Variants in DPY19L1 observed in about 807,000 individuals in gnomAD.
DPY19L1 encodes the protein dpy-19 like C-mannosyltransferase 1.
A neutral mutation model predicts 96.9 loss-of-function variants in DPY19L1; 35 were observed. That is an observed-to-expected ratio of 0.36 (90% CI 0.28 to 0.48). DPY19L1 has a LOEUF of 0.48. Ranked by LOEUF, DPY19L1 falls within the 20% of genes least tolerant of loss-of-function variation. The pLI is 0.99. For synonymous variants in DPY19L1, 205 were observed against 252.6 expected (o/e 0.81, Z 1.79); for missense variants, 521 against 777.9 (o/e 0.67, Z 3.93).
intron 3 of DPY19L1, among the ~76,000 whole-genome samples, chr7:35,016,860 G>T (rs909874080): frequency 1.3e-5 from 2 of 152,146 alleles, no homozygotes; most frequent in African/African-American, 4.8e-5. Context: ...AAATCAGCTG[G>T]ATTTCTCAAC....
intron 9 of DPY19L1, among the ~76,000 whole-genome samples, chr7:34,969,009 A>G (rs1386426617): frequency 6.6e-6 from 1 of 152,050 alleles, no homozygotes; most frequent in Non-Finnish European, 1.5e-5. Flanking sequence ...CTGTAATCCT[A>G]TGTGTCTTTA....
At chr7:34,936,624 T>C (rs993180013) in intron 21 of DPY19L1, among the ~76,000 whole-genome samples, 3 of 152,348 alleles carry the variant, frequency 2.0e-5, no homozygotes, top group South Asian at 2.1e-4. Context: ...CCTAAATTTA[T>C]ATAACAATGT....
At chr7:35,028,373 A>G (rs1309377941) in intron 1 of DPY19L1, among the ~76,000 whole-genome samples, 1 of 152,252 alleles carries the variant, frequency 6.6e-6, no homozygotes, top group Non-Finnish European at 1.5e-5. Context: ...ATATATCACC[A>G]TCCCAAAGCG....
At chr7:35,009,217 G>A (rs1332377388) in intron 6 of DPY19L1, among the ~76,000 whole-genome samples, 1 of 152,064 alleles carries the variant, frequency 6.6e-6, no homozygotes, top group Non-Finnish European at 1.5e-5. Flanking sequence ...ACATCTTTGA[G>A]GTACTAAACT....
At chr7:34,967,763 A>C (rs1784642197) in intron 9 of DPY19L1, among the ~76,000 whole-genome samples, 1 of 152,204 alleles carries the variant, frequency 6.6e-6, no homozygotes, top group African/African-American at 2.4e-5. Context: ...CTGAATACTT[A>C]AACATATAAC....
chr7:34,952,127 C>G (rs931105619), intron 13 of DPY19L1, among the ~76,000 whole-genome samples: 1 of 136,074 alleles, frequency 7.3e-6, no homozygotes, highest in African/African-American at 2.7e-5. Flanking sequence ...AAAAAAAGAC[C>G]ACAAAAAAAA....
intron 1 of DPY19L1, among the ~76,000 whole-genome samples, chr7:35,035,341 T>A (rs1378216825): frequency 6.6e-6 from 1 of 152,172 alleles, no homozygotes; most frequent in East Asian, 1.9e-4. Context: ...TGTATTTAGG[T>A]ATGGGAATTA....
At chr7:35,017,759 G>C (rs1785895391) in intron 3 of DPY19L1, 123 bp downstream of exon 3, 1 of 571,502 alleles carries the variant, frequency 1.7e-6, no homozygotes, top group Admixed American at 3.7e-5. Context: ...GTGGCTGTCA[G>C]CTGTAGAAGG....
chr7:34,961,491 T>C (rs1185849635), intron 10 of DPY19L1, among the ~76,000 whole-genome samples: 3 of 152,122 alleles, frequency 2.0e-5, no homozygotes, highest in African/African-American at 7.2e-5. Flanking sequence ...TCATGAAAAC[T>C]AACTCAAAAC....
intron 2 of DPY19L1, 49 bp downstream of exon 2, chr7:35,018,523 A>T (rs1366664330): frequency 1.3e-6 from 2 of 1,535,938 alleles, no homozygotes; most frequent in Non-Finnish European, 1.8e-6. Flanking sequence ...AGCTTTAGCA[A>T]GTTATAAACG....
intron 8 of DPY19L1, among the ~76,000 whole-genome samples, chr7:34,970,568 T>C (rs1198394763): frequency 2.0e-5 from 3 of 152,214 alleles, no homozygotes; most frequent in Non-Finnish European, 4.4e-5. Flanking sequence ...GTAAAACTTA[T>C]TTCTTGTTTC....
intron 3 of DPY19L1, among the ~76,000 whole-genome samples, chr7:35,016,082 A>G (rs1046472563): frequency 1.3e-5 from 2 of 152,212 alleles, no homozygotes; most frequent in African/African-American, 4.8e-5. Flanking sequence ...AAATTTTTGT[A>G]GCCTAATTCT....
At chr7:35,015,385 C>A in intron 3 of DPY19L1, among the ~76,000 whole-genome samples, 1 of 152,154 alleles carries the variant, frequency 6.6e-6, no homozygotes, top group Middle Eastern at 3.2e-3. Context: ...GTCACAAAGA[C>A]CCTGCTGATA....
At chr7:34,949,750 T>C (rs1431233026) in intron 14 of DPY19L1, 47 bp downstream of exon 14, 36 of 1,232,210 alleles carry the variant, frequency 2.9e-5, no homozygotes, top group Non-Finnish European at 3.5e-5. Flanking sequence ...TTATGAAAAA[T>C]GTATGGGCCA....
intron 6 of DPY19L1, among the ~76,000 whole-genome samples, chr7:35,005,406 G>A (rs1785526464): frequency 6.6e-6 from 1 of 151,474 alleles, no homozygotes; most frequent in African/African-American, 2.4e-5. Flanking sequence ...GCAGAGCAGT[G>A]GGAGAGGTGA....
intron 13 of DPY19L1, among the ~76,000 whole-genome samples, chr7:34,953,456 C>T (rs1370456516): frequency 6.6e-6 from 1 of 152,122 alleles, no homozygotes; most frequent in African/African-American, 2.4e-5. Flanking sequence ...TCTTCCTGAT[C>T]ACGCTCTGCA....
chr7:35,016,731 C>T (rs1785856351), intron 3 of DPY19L1, among the ~76,000 whole-genome samples: 1 of 152,128 alleles, frequency 6.6e-6, no homozygotes, highest in Non-Finnish European at 1.5e-5. Context: ...TACAGCACCA[C>T]CTAGGAAGTA....
At chr7:34,943,560 G>C (rs1017032016) in intron 16 of DPY19L1, among the ~76,000 whole-genome samples, 13 of 152,258 alleles carry the variant, frequency 8.5e-5, no homozygotes, top group South Asian at 2.1e-4. Flanking sequence ...TCATGTCTTT[G>C]ATAGTTAAAA....
intron 6 of DPY19L1, among the ~76,000 whole-genome samples, chr7:34,992,740 C>A (rs531404417): frequency 6.6e-6 from 1 of 151,918 alleles, no homozygotes; most frequent in Non-Finnish European, 1.5e-5. Context: ...TTAATTTTCC[C>A]TGTGTTGTTT....
Sources: allele counts gnomAD v4.1 joint callset (sites outside exome capture counted in the v4.1 genomes callset), GRCh38; gene constraint gnomAD v4.1.1; transcripts MANE v1.5; gene names NCBI Gene and HGNC (gene_info 2026-07-23, HGNC 2026-07-21).